Variants in SLC22A14 observed in about 807,000 individuals in gnomAD.
The protein encoded by SLC22A14 is solute carrier family 22 member 14, also known as organic cation transporter-like 4.
SLC22A14 carries 50 observed loss-of-function variants against 53.9 expected under a neutral mutation model. The observed-to-expected ratio is 0.93, with a 90% confidence interval of 0.74 to 1.17. The LOEUF is 1.17. Among genes scored for constraint, SLC22A14 ranks in the 50% most tolerant of loss-of-function variants. The pLI is 0.00. For synonymous variants in SLC22A14, 312 were observed against 303.0 expected, an observed-to-expected ratio of 1.03 and a Z score of -0.31; for missense variants, 671 against 734.7, an observed-to-expected ratio of 0.91 and a Z score of 1.00.
chr3:38,309,005 A>T lies in SLC22A14; in HGVS notation c.827A>T (p.His276Leu). The stretch of plus-strand genomic sequence containing the variant: ...CGGGCCCATGCCATTATCCTGGGAC[A>T]CTGCTTTTTCGCTGTTGGGGCCGTG... ...EHRAHAIILG[H>L]CFFAVGAVLL... Residue 276 changes from histidine (H) to leucine (L), a missense_variant, in exon 5 of 11, where the codon CAC becomes CTC. Physicochemically the swap from His to Leu is moderately conservative, Grantham distance 99. Transcript: ENST00000448498. 1 of 1,614,168 alleles carries T rather than the reference A, an allele frequency of 6.2e-7. No homozygotes were observed. Among genetic ancestry groups the T allele is most frequent in the South Asian group, 1.1e-5 (1 of 91,088 alleles).
At chr3:38,290,332 G>A (rs886599754) in intron 1 of SLC22A14, among the ~76,000 whole-genome samples, 1 of 152,194 alleles carries the variant, frequency 6.6e-6, no homozygotes, top group Non-Finnish European at 1.5e-5. Context: ...TTGGAGCGTG[G>A]GCTAGCAGGC....
chr3:38,306,253 C>T lies in SLC22A14; in HGVS notation c.227C>T (p.Pro76Leu). 1 of 1,614,192 alleles carries T rather than the reference C, an allele frequency of 6.2e-7. No homozygotes were observed. Among genetic ancestry groups the T allele is most frequent in the Admixed American group, 1.7e-5 (1 of 60,024 alleles). Residue 76 changes from proline (P) to leucine (L), a missense_variant, in exon 2 of 11, where the codon CCC becomes CTC. Coordinates refer to ENST00000448498, the MANE Select transcript of SLC22A14 (RefSeq NM_001320033.2). ...AGGCTAGTAGCCCTCACCTTTATCC[C>T]CAGCATCATGTCGGCCTTCTTCATG... is the stretch of plus-strand genomic sequence containing the variant. ...QQRLVALTFI[P>L]SIMSAFFMFA...
rs148537115 is a variant in SLC22A14, at chr3:38,310,814, C to CA, written c.944+1698dup. Among the ~76,000 whole-genome samples the CA allele has an allele frequency of 6.5e-3, 993 of 152,098 alleles. 4 individuals are homozygous for CA. Among genetic ancestry groups the CA allele is most frequent in the Admixed American group, 0.013 (206 of 15,280 alleles). On this transcript the variant is annotated intron_variant, in intron 5 of 10. Transcript: ENST00000448498. ...TTTAAGACAGCAGGGTCCACTTGGC[C>CA]AAAAAACCCCACTGTTCCCCAGCCT... is the stretch of plus-strand genomic sequence containing the variant.
At chr3:38,315,773 T>G in intron 9 of SLC22A14, 62 bp downstream of exon 9, 1 of 1,517,330 alleles carries the variant, frequency 6.6e-7, no homozygotes, top group East Asian at 2.3e-5. Context: ...AATGACAAGA[T>G]TAATGCAGCA....
chr3:38,313,294 C>A, intron 6 of SLC22A14, 94 bp from the exon 7 acceptor site: 1 of 1,384,950 alleles, frequency 7.2e-7, no homozygotes, highest in Non-Finnish European at 1.0e-6. Flanking sequence ...CCAGCTGGCA[C>A]TTTCAGGGAC....
intron 10 of SLC22A14, among the ~76,000 whole-genome samples, chr3:38,317,246 C>T (rs1704648626): frequency 6.6e-6 from 1 of 152,218 alleles, no homozygotes; most frequent in African/African-American, 2.4e-5. Context: ...TGCCCTCCTC[C>T]CTACCATCTT....
Position 38,307,651 on chromosome 3 carries a change from C to G in SLC22A14, c.706C>G (p.Leu236Val), listed in dbSNP as rs768349296. ...GACAGCCTTCATGAACAGCTTTCAC[C>G]TGTATTTGTTCTTTCGCTTTGGCAT... ...FGTAFMNSFHLYLFFRFGISQ... is the reference protein window; with the variant it reads ...FGTAFMNSFHVYLFFRFGISQ... The change falls in exon 4 of 11, where the codon CTG (leucine) becomes GTG (valine). Residue 236 changes from leucine to valine, a missense_variant. Leu to Val is a conservative substitution (Grantham distance 32, BLOSUM62 1). Coordinates refer to ENST00000448498, the MANE Select transcript of SLC22A14 (RefSeq NM_001320033.2). The surrounding 1 kb of genome is among the most constrained non-coding windows in gnomAD (Gnocchi z 4.4). The G allele has an allele frequency of 3.7e-6, 6 of 1,614,030 alleles. No homozygotes were observed. The highest frequency in any genetic ancestry group is 5.1e-6 in the Non-Finnish European group (6 of 1,179,922).
At chr3:38,308,896 AG>A in intron 4 of SLC22A14, 57 bp from the exon 5 acceptor site, 2 of 1,531,112 alleles carry the variant, frequency 1.3e-6, no homozygotes, top group Non-Finnish European at 1.8e-6. Flanking sequence ...GCTGGATGCA[AG>A]GGCAGCCCTG....
chr3:38,311,714 G>T (rs551737641), intron 5 of SLC22A14, among the ~76,000 whole-genome samples: 2 of 152,264 alleles, frequency 1.3e-5, no homozygotes, highest in East Asian at 1.9e-4. Context: ...TTGCCATTTT[G>T]TAGCAAGGAT....
intron 1 of SLC22A14, among the ~76,000 whole-genome samples, chr3:38,290,987 G>A (rs953154637): frequency 6.6e-6 from 1 of 152,198 alleles, no homozygotes; most frequent in African/African-American, 2.4e-5. Flanking sequence ...TTTGATAGGT[G>A]TTCCCTCAGA....
chr3:38,295,429 A>T (rs1442207340), intron 1 of SLC22A14, among the ~76,000 whole-genome samples: 2 of 152,204 alleles, frequency 1.3e-5, no homozygotes, highest in Non-Finnish European at 2.9e-5. Context: ...GCTGCTACAG[A>T]TTGAATGCAT....
chr3:38,304,606 G>T (rs1210729863), intron 1 of SLC22A14, among the ~76,000 whole-genome samples: 1 of 152,082 alleles, frequency 6.6e-6, no homozygotes, highest in Non-Finnish European at 1.5e-5. Flanking sequence ...TGCCTAGGCT[G>T]GTCTTGAACC....
intron 1 of SLC22A14, among the ~76,000 whole-genome samples, chr3:38,304,203 A>C (rs1575414746): frequency 6.6e-6 from 1 of 151,908 alleles, no homozygotes; most frequent in East Asian, 1.9e-4. Flanking sequence ...AAAAAAAAAA[A>C]AAGTTCAATC....
chr3:38,313,132 T>TG lies in SLC22A14; in HGVS notation c.1065+15dup. 1 of 1,610,048 alleles carries TG rather than the reference T, an allele frequency of 6.2e-7. No individual in the cohort carries two copies. Among genetic ancestry groups the TG allele is most frequent in the Non-Finnish European group, 8.5e-7 (1 of 1,178,444 alleles). On this transcript the variant is annotated intron_variant, in intron 6 of 10. Transcript: ENST00000448498. Reference sequence around the variant, plus strand: ...TCTGCTGGACGAGGTAAAGGGCTTCTGGCCAGGAGTGGGGCCGGAGCAGTG... The same window carrying TG: ...TCTGCTGGACGAGGTAAAGGGCTTCTGGGCCAGGAGTGGGGCCGGAGCAGTG...
intron 1 of SLC22A14, among the ~76,000 whole-genome samples, chr3:38,291,823 T>C (rs534000962): frequency 6.6e-6 from 1 of 152,370 alleles, no homozygotes; most frequent in South Asian, 2.1e-4. Context: ...AAATGGGTAT[T>C]GGCTTTTTGA....
chr3:38,287,626 A>G (rs771418972), intron 1 of SLC22A14, among the ~76,000 whole-genome samples: 5 of 152,188 alleles, frequency 3.3e-5, no homozygotes, highest in East Asian at 3.8e-4. Context: ...TAACTTTATA[A>G]TAAAGTTTGA....
At position 38,315,603 on chromosome 3, in the gene SLC22A14, A is replaced by T. The variant is rs781482091; in HGVS notation, c.1424A>T (p.Glu475Val). 5 of 1,614,140 alleles carry T rather than the reference A, an allele frequency of 3.1e-6. No individual in the cohort carries two copies. The South Asian group carries it at 5.5e-5, about 18-fold the overall frequency. The stretch of plus-strand genomic sequence containing the variant: ...AAGTGGCCACGTTGTCCGGCCACAG[A>T]GCTGAAATCCATGACGATCTTGGTG... Reference protein sequence around the residue: ...RLKWPRCPATELKSMTILVLM... With the variant: ...RLKWPRCPATVLKSMTILVLM... The change falls in exon 9 of 11, where the codon GAG becomes GTG. Residue 475 changes from glutamate to valine, a missense_variant. Physicochemically the swap from Glu to Val is moderately radical, Grantham distance 121. Coordinates refer to ENST00000448498, the MANE Select transcript of SLC22A14 (RefSeq NM_001320033.2).
At position 38,286,112 on chromosome 3, in the gene SLC22A14, C is replaced by T. The variant is rs370653351; in HGVS notation, c.-1+3773C>T. Among the ~76,000 whole-genome samples, 47 of 152,200 alleles carry T rather than the reference C, an allele frequency of 3.1e-4. 2 individuals are homozygous for T. Among genetic ancestry groups the T allele is most frequent in the East Asian group, 2.7e-3 (14 of 5,168 alleles). ...ACAAAATTAGCCGGGTGTGGTGGTG[C>T]GCGCCTGTAATCCCAGCTACTTGGG... On this transcript the variant is annotated intron_variant, in intron 1 of 10. Coordinates refer to ENST00000448498, the MANE Select transcript of SLC22A14 (RefSeq NM_001320033.2).
intron 10 of SLC22A14, among the ~76,000 whole-genome samples, chr3:38,317,039 C>T (rs1470365): frequency 0.085 from 12,982 of 152,324 alleles, 901 homozygotes; most frequent in African/African-American, 0.18. Flanking sequence ...TGGGCACTTC[C>T]GGCCTCTGAT....
Sources: gnomAD v4.1 joint callset for allele counts (sites outside exome capture counted in the v4.1 genomes callset) on GRCh38, gnomAD v4.1.1 for gene constraint, Gnocchi (gnomAD v3.1) non-coding constraint, MANE v1.5 for transcripts, NCBI Gene and HGNC (gene_info 2026-07-23, HGNC 2026-07-21) for gene names.